NLRP13: variants seen among roughly 807,000 people sequenced by gnomAD.
NLRP13 encodes the protein NACHT, LRR and PYD domains-containing protein 13.
A neutral mutation model predicts 94.4 loss-of-function variants in NLRP13; 82 were observed. The ratio of observed to expected loss-of-function variants is 0.87; its 90% confidence interval spans 0.73 to 1.04. The LOEUF is 1.04. Ranked by LOEUF, NLRP13 falls within the 50% of genes least tolerant of loss-of-function variation. The pLI is 0.00. For synonymous variants in NLRP13, 553 were observed against 464.7 expected (o/e 1.19, Z -2.45); for missense variants, 1,426 against 1,230.8 (o/e 1.16, Z -2.37).
At chr19:55,919,797 C>T (rs1048728977) in intron 4 of NLRP13, among the ~76,000 whole-genome samples, 3 of 152,032 alleles carry the variant, frequency 2.0e-5, no homozygotes, top group Admixed American at 2.0e-4. Flanking sequence ...TATCAAACTC[C>T]CAGTGACATA....
intron 8 of NLRP13, among the ~76,000 whole-genome samples, chr19:55,902,941 AATT>A (rs1234295233): frequency 3.1e-5 from 1 of 32,138 alleles, no homozygotes; most frequent in East Asian, 2.8e-3. Context: ...TTACATTATA[AATT>A]ATAACAACTA....
chr19:55,928,806 A>C (rs1987032025), intron 1 of NLRP13, among the ~76,000 whole-genome samples: 1 of 152,224 alleles, frequency 6.6e-6, no homozygotes, highest in Admixed American at 6.5e-5. Flanking sequence ...ATTGAACTAA[A>C]GAGCTTCTGC....
At chr19:55,920,124 C>A (rs1209271836) in intron 4 of NLRP13, among the ~76,000 whole-genome samples, 1 of 152,132 alleles carries the variant, frequency 6.6e-6, no homozygotes, top group Non-Finnish European at 1.5e-5. Flanking sequence ...ACTGGCTAGC[C>A]ATATGTAGAA....
intron 2 of NLRP13, 135 bp downstream of exon 2, chr19:55,924,832 G>T (rs760979178): frequency 4.7e-6 from 4 of 849,866 alleles, no homozygotes; most frequent in Non-Finnish European, 7.7e-6. Flanking sequence ...AATACTGAAA[G>T]AATTAGTTGG....
chr19:55,920,311 A>G (rs754758951), intron 4 of NLRP13, among the ~76,000 whole-genome samples: 1 of 152,170 alleles, frequency 6.6e-6, no homozygotes, highest in Non-Finnish European at 1.5e-5. Context: ...ATGCAAGAAA[A>G]ACAAAAATAA....
At chr19:55,931,971 C>G (rs1436680931) in intron 1 of NLRP13, 22 bp downstream of exon 1, 1 of 1,609,870 alleles carries the variant, frequency 6.2e-7, no homozygotes, top group South Asian at 1.1e-5. Flanking sequence ...GCCCTCCCGC[C>G]TTCCTTCTTG....
intron 4 of NLRP13, among the ~76,000 whole-genome samples, chr19:55,914,250 C>T (rs1256430930): frequency 6.6e-6 from 1 of 152,168 alleles, no homozygotes; most frequent in Non-Finnish European, 1.5e-5. Context: ...TTCTTAGAGG[C>T]CTTCTGGGGC....
At chr19:55,914,936 G>A (rs891304663) in intron 4 of NLRP13, among the ~76,000 whole-genome samples, 4 of 152,132 alleles carry the variant, frequency 2.6e-5, no homozygotes, top group African/African-American at 9.7e-5. Context: ...AGTGAAATAA[G>A]CCAGACACAG....
Position 55,932,280 on chromosome 19 carries a change from C to T in NLRP13, c.32G>A (p.Gly11Asp), listed in dbSNP as rs992417418. 1.2e-6 allele frequency: 2 copies of T among 1,608,510 alleles called. No homozygotes were observed. The highest frequency in any genetic ancestry group is 1.7e-6 in the Non-Finnish European group (2 of 1,178,658). MNFSVITCPN[G>D]GTNQGLLPYL... is the part of the protein sequence containing the mutation. ...AGGCAGAAGCCCTTGGTTGGTACCA[C>T]CGTTGGGGCAGGTGATTACAGAAAA... is the stretch of plus-strand genomic sequence containing the variant. The change falls in exon 1 of 11, where the codon GGT becomes GAT. Residue 11 changes from glycine (G) to aspartate (D), a missense_variant. By Grantham distance (94) the Gly-to-Asp change is moderately conservative. Coordinates refer to ENST00000342929, the MANE Select transcript of NLRP13 (RefSeq NM_176810.2).
At chr19:55,894,755 CT>C (rs138142626), downstream of NLRP13, among the ~76,000 whole-genome samples, 473 of 152,270 alleles carry the variant, frequency 3.1e-3, 2 homozygotes, top group African/African-American at 0.011. Context: ...TGTTTCCCCC[CT>C]GTCTACCATG....
intron 9 of NLRP13, among the ~76,000 whole-genome samples, chr19:55,899,354 G>A (rs1986102313): frequency 2.0e-5 from 3 of 152,038 alleles, no homozygotes; most frequent in African/African-American, 7.2e-5. Flanking sequence ...ACCATAATAA[G>A]TTCAAAATAG....
chr19:55,911,957 T>C lies in NLRP13; in HGVS notation c.1860A>G (p.Gly620=). Residue 620 remains glycine, a synonymous_variant, in exon 5 of 11, where the codon GGA becomes GGG. Transcript: ENST00000342929. The part of the protein sequence containing the change: ...PRVMEELLKW[G]EELGKAESAS... ...CACTTTCAGCCTTACCTAACTCTTC[T>C]CCCCACTTTAATAATTCCTCCATTA... is the stretch of plus-strand genomic sequence containing the variant. 6.2e-7 allele frequency: 1 copy of C among 1,614,224 alleles called. No homozygotes were observed. The highest frequency in any genetic ancestry group is 8.5e-7 in the Non-Finnish European group (1 of 1,180,026).
intron 1 of NLRP13, 107 bp from the exon 2 acceptor site, chr19:55,925,142 T>C (rs1986937736): frequency 1.1e-5 from 11 of 990,436 alleles, no homozygotes; most frequent in South Asian, 2.8e-5. Flanking sequence ...AAACTGGAGT[T>C]TGAAGGTCTG....
chr19:55,930,898 A>ATATATATATACATATATATATACATAC, intron 1 of NLRP13, among the ~76,000 whole-genome samples: 2 of 104,898 alleles, frequency 1.9e-5, no homozygotes, highest in African/African-American at 7.7e-5. Flanking sequence ...ATATATATAT[A>ATATATATATACATATATATATACATAC]AAATTTTAAC....
At chr19:55,916,673 A>G (rs1340678153) in intron 4 of NLRP13, among the ~76,000 whole-genome samples, 3 of 152,196 alleles carry the variant, frequency 2.0e-5, no homozygotes, top group Non-Finnish European at 2.9e-5. Flanking sequence ...ACAAAAATAA[A>G]CAGGATTTTA....
chr19:55,931,722 A>AGAAAGAAAGAAAGAAAGACAG (rs1468023647), intron 1 of NLRP13, among the ~76,000 whole-genome samples: 1 of 107,328 alleles, frequency 9.3e-6, no homozygotes, highest in African/African-American at 3.6e-5. Context: ...AAAAAAAAAA[A>AGAAAGAAAGAAAGAAAGACAG]AAAGAAAGAA....
At chr19:55,899,987 T>C (rs1388883178) in intron 9 of NLRP13, among the ~76,000 whole-genome samples, 2 of 151,166 alleles carry the variant, frequency 1.3e-5, no homozygotes, top group Non-Finnish European at 2.9e-5. Flanking sequence ...TTCCATGGCA[T>C]GGCAAACATA....
intron 1 of NLRP13, among the ~76,000 whole-genome samples, chr19:55,929,408 A>C (rs1375478029): frequency 1.3e-5 from 2 of 152,260 alleles, no homozygotes; most frequent in African/African-American, 4.8e-5. Context: ...GGATGAAGAA[A>C]ATGTGGCACA....
Position 55,910,687 on chromosome 19 carries a change from A to G in NLRP13, c.2158T>C (p.Ser720Pro). Reference protein sequence around the residue: ...SRMHAWNSICSTLVTNENLHE... With the variant: ...SRMHAWNSICPTLVTNENLHE... ...AGATTCTCATTTGTGACCAACGTAG[A>G]GCAAATGCTGTTCCATGCGTGCATC... The change falls in exon 6 of 11, where the codon TCT becomes CCT. Residue 720 changes from serine to proline, a missense_variant. Physicochemically the swap from Ser to Pro is moderately conservative, Grantham distance 74 (BLOSUM62 -1). Coordinates refer to ENST00000342929, the MANE Select transcript of NLRP13 (RefSeq NM_176810.2). The G allele has an allele frequency of 6.2e-7, 1 of 1,613,644 alleles. No individual in the cohort carries two copies. Among genetic ancestry groups the G allele is most frequent in the Non-Finnish European group, 8.5e-7 (1 of 1,179,602 alleles).
Sources: gnomAD v4.1 joint callset for allele counts (sites outside exome capture counted in the v4.1 genomes callset) on GRCh38, gnomAD v4.1.1 for gene constraint, MANE v1.5 for transcripts, NCBI Gene and HGNC (gene_info 2026-07-23, HGNC 2026-07-21) for gene names.